The following MED13L variants were observed in gnomAD, a reference collection of about 807,000 sequenced individuals.
MED13L encodes mediator of RNA polymerase II transcription subunit 13-like.
In MED13L, 7 loss-of-function variants were observed where a neutral mutation model predicts 220.9. That is an observed-to-expected ratio of 0.03 (90% CI 0.02 to 0.06). The LOEUF is 0.06. Ranked by LOEUF, MED13L falls within the 10% of genes least tolerant of loss-of-function variation. The pLI, the probability that MED13L is intolerant of heterozygous loss-of-function variation, is 1.00. For missense variants in MED13L, 1,965 were observed against 2,760.5 expected, an observed-to-expected ratio of 0.71 and a Z score of 6.46; for synonymous variants, 1,011 against 1,015.2, an observed-to-expected ratio of 1.00 and a Z score of 0.08.
intron 4 of MED13L, among the ~76,000 whole-genome samples, chr12:116,049,849 A>T (rs935518625): frequency 6.6e-6 from 1 of 152,218 alleles, no homozygotes; most frequent in Admixed American, 6.5e-5. Context: ...GGAATCATAA[A>T]ATCAATTTAA....
chr12:116,148,894 C>T (rs1233917700), intron 2 of MED13L, among the ~76,000 whole-genome samples: 4 of 152,152 alleles, frequency 2.6e-5, no homozygotes, highest in Non-Finnish European at 5.9e-5. Context: ...TTACCACTTT[C>T]TGTCACCTTA....
chr12:116,094,780 T>C (rs1019561581), intron 4 of MED13L, among the ~76,000 whole-genome samples: 1 of 152,146 alleles, frequency 6.6e-6, no homozygotes, highest in East Asian at 1.9e-4. Context: ...CATATTTAAG[T>C]CTGCAGAGTC....
intron 2 of MED13L, among the ~76,000 whole-genome samples, chr12:116,183,554 C>T (rs769507642): frequency 6.6e-6 from 1 of 152,122 alleles, no homozygotes; most frequent in African/African-American, 2.4e-5. Flanking sequence ...CAATTCTTAG[C>T]ATCTATAAAC....
At chr12:116,169,587 T>C (rs1240315720) in intron 2 of MED13L, among the ~76,000 whole-genome samples, 3 of 152,224 alleles carry the variant, frequency 2.0e-5, no homozygotes, top group Non-Finnish European at 4.4e-5. Flanking sequence ...TGGCATCACA[T>C]AAGTATGTAG....
At chr12:116,118,401 T>C (rs1193405145) in intron 2 of MED13L, among the ~76,000 whole-genome samples, 3 of 152,206 alleles carry the variant, frequency 2.0e-5, no homozygotes, top group Non-Finnish European at 2.9e-5. Context: ...CATTCAGTGT[T>C]TGGATTTAAA....
chr12:115,988,600 A>ATT (rs1877856562), intron 17 of MED13L, among the ~76,000 whole-genome samples: 1 of 152,232 alleles, frequency 6.6e-6, no homozygotes, highest in Non-Finnish European at 1.5e-5. Context: ...GGAAACTAAA[A>ATT]GCAAGCACGT....
At chr12:116,025,098 C>T (rs188948831) in intron 4 of MED13L, among the ~76,000 whole-genome samples, 31 of 152,158 alleles carry the variant, frequency 2.0e-4, no homozygotes, top group South Asian at 1.7e-3. Context: ...GAAAATAAAA[C>T]ATGCAAATGG....
intron 8 of MED13L, among the ~76,000 whole-genome samples, chr12:116,013,594 G>A (rs747299649): frequency 1.3e-5 from 2 of 152,158 alleles, no homozygotes; most frequent in African/African-American, 4.8e-5. Flanking sequence ...CGAACTTTGA[G>A]TAAGATACTC....
intron 2 of MED13L, among the ~76,000 whole-genome samples, chr12:116,143,767 T>C (rs1179114678): frequency 6.6e-6 from 1 of 152,200 alleles, no homozygotes; most frequent in African/African-American, 2.4e-5. Flanking sequence ...TTGAGATTAC[T>C]TATATCTCTA....
At chr12:116,232,859 G>A (rs1420105755) in intron 2 of MED13L, among the ~76,000 whole-genome samples, 1 of 152,154 alleles carries the variant, frequency 6.6e-6, no homozygotes, top group Non-Finnish European at 1.5e-5. Flanking sequence ...GGCCGAGGCG[G>A]GCGGATCGAT....
intron 2 of MED13L, among the ~76,000 whole-genome samples, chr12:116,124,178 CA>C (rs1875376822): frequency 1.4e-5 from 2 of 138,702 alleles, no homozygotes; most frequent in African/African-American, 5.2e-5. Flanking sequence ...CAGAGAGAGA[CA>C]GAGAGAGACA....
chr12:116,195,026 T>C (rs967424754), intron 2 of MED13L, among the ~76,000 whole-genome samples: 5 of 152,174 alleles, frequency 3.3e-5, no homozygotes, highest in Non-Finnish European at 7.4e-5. Flanking sequence ...CCACCTAAGA[T>C]AAGGGACTGA....
intron 2 of MED13L, among the ~76,000 whole-genome samples, chr12:116,199,237 T>TATA (rs1490416603): frequency 2.6e-5 from 4 of 152,198 alleles, no homozygotes; most frequent in Admixed American, 1.3e-4. Flanking sequence ...GTAGGCTATT[T>TATA]TATACAGTAC....
chr12:116,201,146 G>A (rs761176705), intron 2 of MED13L, among the ~76,000 whole-genome samples: 37 of 152,090 alleles, frequency 2.4e-4, no homozygotes, highest in Non-Finnish European at 7.4e-5. Flanking sequence ...GCCCCCATGG[G>A]TTGTCATATG....
At chr12:115,983,974 G>T (rs1416137046) in intron 20 of MED13L, among the ~76,000 whole-genome samples, 1 of 152,192 alleles carries the variant, frequency 6.6e-6, no homozygotes, top group Non-Finnish European at 1.5e-5. Flanking sequence ...AATTAGACAT[G>T]ATTAGGCAAC....
At chr12:116,243,049 G>A (rs947396932) in intron 1 of MED13L, among the ~76,000 whole-genome samples, 14 of 152,120 alleles carry the variant, frequency 9.2e-5, no homozygotes, top group East Asian at 3.9e-4. Context: ...GAGTGCCCAC[G>A]TATCATCCCA....
intron 4 of MED13L, among the ~76,000 whole-genome samples, chr12:116,089,847 G>C (rs1278893240): frequency 6.6e-6 from 1 of 152,132 alleles, no homozygotes; most frequent in Non-Finnish European, 1.5e-5. Context: ...CAACCTTCCA[G>C]GCATATTCAT....
chr12:116,096,308 T>C (rs563300434), intron 4 of MED13L, among the ~76,000 whole-genome samples: 63 of 120,282 alleles, frequency 5.2e-4, no homozygotes, highest in African/African-American at 1.8e-3. Context: ...TGAGCCAAGA[T>C]GGCACCACTG....
At chr12:116,236,728 T>A in intron 2 of MED13L, 3 of 595,848 alleles carry the variant, frequency 5.0e-6, no homozygotes, top group Non-Finnish European at 6.3e-6. Context: ...AAGGTAAAAA[T>A]TTTTACCAGA....
Sources: gnomAD v4.1 joint callset for allele counts (sites outside exome capture counted in the v4.1 genomes callset) on GRCh38, gnomAD v4.1.1 for gene constraint, MANE v1.5 for transcripts, NCBI Gene and HGNC (gene_info 2026-07-23, HGNC 2026-07-21) for gene names.